The following ZNF613 variants were observed in gnomAD, a reference collection of about 807,000 sequenced individuals.
ZNF613 encodes zinc finger protein 613.
ZNF613 carries 8 observed loss-of-function variants against 14.3 expected under a neutral mutation model. That is an observed-to-expected ratio of 0.56 (90% CI 0.33 to 1.01). The LOEUF is 1.01. Among genes scored for constraint, ZNF613 ranks in the 50% least tolerant of loss-of-function variants. ZNF613 has a pLI of 0.03. For missense variants in ZNF613, 656 were observed against 741.9 expected (o/e 0.88, Z 1.35); for synonymous variants, 228 against 254.5 (o/e 0.90, Z 0.99).
Position 51,940,195 on chromosome 19 carries a change from C to T in ZNF613, c.16-14C>T, listed in dbSNP as rs919229385. On this transcript the variant is annotated splice_polypyrimidine_tract_variant and intron_variant, in intron 3 of 5. Transcript: ENST00000293471. ...GAGAAATACTTCATATTAAGCAGGA[C>T]TCTCTTATTACAGGAATCACTGACC... The T allele has an allele frequency of 9.3e-6, 15 of 1,612,462 alleles. No individual in the cohort carries two copies. The highest frequency in any genetic ancestry group is 1.3e-5 in the Non-Finnish European group (15 of 1,179,108).
At chr19:51,941,738 C>T in intron 5 of ZNF613, among the ~76,000 whole-genome samples, 1 of 152,140 alleles carries the variant, frequency 6.6e-6, no homozygotes, top group Non-Finnish European at 1.5e-5. Context: ...CTATTTTTTA[C>T]CCACTTGCAT....
chr19:51,936,108 A>C lies in ZNF613; in HGVS notation c.-113A>C. Reference sequence around the variant, plus strand: ...CCAGGACCTGGATACCATCCTTTGCAGGGATGTAATTCACCAGAGACCAAG... The same window carrying C: ...CCAGGACCTGGATACCATCCTTTGCCGGGATGTAATTCACCAGAGACCAAG... On this transcript the variant is annotated 5_prime_UTR_variant, in exon 3 of 6. Coordinates refer to ENST00000293471, the MANE Select transcript of ZNF613 (RefSeq NM_001031721.4). 4 of 1,114,838 alleles carry C rather than the reference A, an allele frequency of 3.6e-6. No individual in the cohort carries two copies. Among genetic ancestry groups the C allele is most frequent in the Non-Finnish European group, 5.1e-6 (4 of 779,172 alleles). 69.1% of individuals were successfully genotyped at this position (1,114,838 alleles called of 1,614,324 possible). A position where few individuals can be genotyped will look rare whatever the true frequency, so the allele number is the denominator to read the frequency against.
chr19:51,929,718 T>G lies in ZNF613; in HGVS notation c.-358-14T>G, dbSNP rs1599901056. The G allele has an allele frequency of 6.6e-6, 1 of 152,182 alleles. No homozygotes were observed. Among genetic ancestry groups the G allele is most frequent in the East Asian group, 1.9e-4 (1 of 5,202 alleles). The allele number at this position is 152,182 out of a possible 1,614,324, so 9.4% of individuals were successfully genotyped here. On this transcript the variant is annotated splice_polypyrimidine_tract_variant and intron_variant, in intron 1 of 5. Coordinates refer to ENST00000293471, the MANE Select transcript of ZNF613 (RefSeq NM_001031721.4). ...TTCTACTCATCATTAATCCACCTTT[T>G]TTTCTTTTTATAGAGATGGCATCTC...
intron 5 of ZNF613, among the ~76,000 whole-genome samples, chr19:51,941,035 T>C (rs1157299562): frequency 6.6e-6 from 1 of 152,126 alleles, no homozygotes; most frequent in Non-Finnish European, 1.5e-5. Context: ...GTTCAAGCGA[T>C]TCTCCTGCCT....
At chr19:51,929,212 T>G (rs764821777) in intron 1 of ZNF613, among the ~76,000 whole-genome samples, 2 of 152,214 alleles carry the variant, frequency 1.3e-5, no homozygotes, top group African/African-American at 2.4e-5. Flanking sequence ...TGTTTTTGTT[T>G]AAAAATTTTT....
intron 1 of ZNF613, among the ~76,000 whole-genome samples, chr19:51,928,456 G>A (rs951927297): frequency 2.6e-5 from 4 of 152,292 alleles, no homozygotes; most frequent in African/African-American, 7.2e-5. Context: ...TCCCTTTTAA[G>A]TTTCTCTGCA....
In ZNF613 at chr19:51,944,516, G is replaced by A. The variant is rs79726751; in HGVS notation, c.633G>A (p.Lys211=). ...DKPHVCTECG[K]AFLKKSRLIY... Reference sequence around the variant, plus strand: ...CCCATGTATGCACTGAGTGTGGGAAGGCTTTCCTCAAGAAGTCTCGCCTCA... The same window carrying A: ...CCCATGTATGCACTGAGTGTGGGAAAGCTTTCCTCAAGAAGTCTCGCCTCA... Residue 211 remains lysine (K), a synonymous_variant, in exon 6 of 6, where the codon AAG becomes AAA. Coordinates refer to ENST00000293471, the MANE Select transcript of ZNF613 (RefSeq NM_001031721.4). The A allele has an allele frequency of 5.2e-3, 8,330 of 1,612,500 alleles. 366 individuals carry two copies. In the African/African-American group the frequency reaches 0.096, roughly 19 times the overall value.
At chr19:51,935,453 C>T (rs1198794201) in intron 2 of ZNF613, among the ~76,000 whole-genome samples, 1 of 152,184 alleles carries the variant, frequency 6.6e-6, no homozygotes. Context: ...TCTACTTCTG[C>T]TTTTGGACAA....
At chr19:51,928,290 G>A (rs1481258342) in intron 1 of ZNF613, among the ~76,000 whole-genome samples, 2 of 152,186 alleles carry the variant, frequency 1.3e-5, no homozygotes, top group Non-Finnish European at 2.9e-5. Flanking sequence ...ACCTAGGTGT[G>A]TGGTCCAGGT....
chr19:51,931,244 A>G (rs543397566), intron 2 of ZNF613, among the ~76,000 whole-genome samples: 39 of 152,336 alleles, frequency 2.6e-4, no homozygotes, highest in South Asian at 6.2e-4. Context: ...TTTGGGTTCT[A>G]GTAATATCTC....
At chr19:51,931,958 T>C (rs1335403919) in intron 2 of ZNF613, among the ~76,000 whole-genome samples, 1 of 152,162 alleles carries the variant, frequency 6.6e-6, no homozygotes, top group Non-Finnish European at 1.5e-5. Context: ...GCACCTTGCC[T>C]CTAGTGGATA....
At chr19:51,933,579 T>G (rs750636119) in intron 2 of ZNF613, among the ~76,000 whole-genome samples, 85 of 151,158 alleles carry the variant, frequency 5.6e-4, no homozygotes, top group Non-Finnish European at 1.0e-3. Context: ...AAAGTGCTGG[T>G]ATTACAGGCA....
At chr19:51,931,615 CTAGAACT>C (rs1237635413) in intron 2 of ZNF613, among the ~76,000 whole-genome samples, 9 of 151,926 alleles carry the variant, frequency 5.9e-5, no homozygotes, top group African/African-American at 2.2e-4. Context: ...TTCTTCATTC[CTAGAACT>C]TCTGTAGGAT....
intron 4 of ZNF613, 118 bp downstream of exon 4, chr19:51,940,453 T>C: frequency 6.4e-7 from 1 of 1,562,428 alleles, no homozygotes; most frequent in Non-Finnish European, 8.7e-7. Flanking sequence ...CTGTACCCTC[T>C]CTGGCCCCAG....
chr19:51,943,701 A>G (rs1409179990), intron 5 of ZNF613, among the ~76,000 whole-genome samples: 1 of 152,218 alleles, frequency 6.6e-6, no homozygotes, highest in Non-Finnish European at 1.5e-5. Context: ...GTTAAGTATG[A>G]TTCAGAGTTT....
chr19:51,937,198 T>C (rs1293934897), intron 3 of ZNF613, among the ~76,000 whole-genome samples: 1 of 152,204 alleles, frequency 6.6e-6, no homozygotes, highest in African/African-American at 2.4e-5. Context: ...TAGTAGATTA[T>C]TGAACCTCAA....
intron 3 of ZNF613, among the ~76,000 whole-genome samples, chr19:51,937,310 G>T (rs2085311696): frequency 6.6e-6 from 1 of 152,230 alleles, no homozygotes; most frequent in African/African-American, 2.4e-5. Flanking sequence ...GGTTGGTCTT[G>T]TGGGATTGAA....
chr19:51,932,302 C>CTTTTTTTT (rs34474633), intron 2 of ZNF613, among the ~76,000 whole-genome samples: 3 of 90,944 alleles, frequency 3.3e-5, no homozygotes, highest in African/African-American at 4.2e-5. Context: ...CTCCCAACAT[C>CTTTTTTTT]TTTTTTTTTT....
At chr19:51,938,727 T>TATATATATATATATATATATAG (rs1555756071) in intron 3 of ZNF613, among the ~76,000 whole-genome samples, 15 of 129,128 alleles carry the variant, frequency 1.2e-4, no homozygotes, top group African/African-American at 3.9e-4. Context: ...TGTACATGGA[T>TATATATATATATATATATATAG]ATATATATAT....
Sources: allele counts gnomAD v4.1 joint callset (sites outside exome capture counted in the v4.1 genomes callset), GRCh38; gene constraint gnomAD v4.1.1; transcripts MANE v1.5; gene names NCBI Gene and HGNC (gene_info 2026-07-23, HGNC 2026-07-21).